The following MTUS2 variants were observed in gnomAD, a reference collection of about 807,000 sequenced individuals.
The protein encoded by MTUS2 is microtubule-associated tumor suppressor candidate 2.
In MTUS2, 40 loss-of-function variants were observed where a neutral mutation model predicts 114.1. The ratio of observed to expected loss-of-function variants is 0.35; its 90% CI spans 0.27 to 0.46. The LOEUF (loss-of-function observed/expected upper bound fraction) is 0.46, where lower values mean the gene tolerates loss of function less well. Ranked by LOEUF, MTUS2 falls within the 20% of genes least tolerant of loss-of-function variation. The pLI, the probability that MTUS2 is intolerant of heterozygous loss-of-function variation, is 1.00. For missense variants in MTUS2, 1,679 were observed against 1,705.4 expected (o/e 0.98, Z 0.27); for synonymous variants, 688 against 672.0 (o/e 1.02, Z -0.37).
At chr13:28,969,285 G>A (rs1481030728) in intron 2 of MTUS2, among the ~76,000 whole-genome samples, 2 of 151,974 alleles carry the variant, frequency 1.3e-5, no homozygotes, top group Admixed American at 1.3e-4. Flanking sequence ...AATTGCCAAA[G>A]AATAATTATA....
chr13:29,387,140 G>A (rs909198087), intron 8 of MTUS2, among the ~76,000 whole-genome samples: 21 of 152,160 alleles, frequency 1.4e-4, no homozygotes, highest in Admixed American at 4.6e-4. Flanking sequence ...AAAGATATGC[G>A]TAAATTCAGA....
chr13:29,366,263 G>A (rs1019549656), intron 8 of MTUS2, among the ~76,000 whole-genome samples: 29 of 152,154 alleles, frequency 1.9e-4, no homozygotes, highest in African/African-American at 7.0e-4. Flanking sequence ...CTCACATGGC[G>A]GCAGAGAAGA....
At chr13:29,430,867 A>C (rs2138639576) in intron 8 of MTUS2, among the ~76,000 whole-genome samples, 1 of 152,308 alleles carries the variant, frequency 6.6e-6, no homozygotes, top group Admixed American at 6.5e-5. Flanking sequence ...AAAGTTCTTC[A>C]ATCTGTTAAT....
intron 2 of MTUS2, among the ~76,000 whole-genome samples, chr13:29,016,991 A>G (rs1191208793): frequency 6.6e-6 from 1 of 152,250 alleles, no homozygotes; most frequent in African/African-American, 2.4e-5. Context: ...AAACATACCC[A>G]ACATTATGAA....
intron 2 of MTUS2, among the ~76,000 whole-genome samples, chr13:29,016,517 T>C (rs1886073101): frequency 6.6e-6 from 1 of 152,166 alleles, no homozygotes; most frequent in South Asian, 2.1e-4. Context: ...GAAAAACCAT[T>C]ACCCCCTTTC....
chr13:28,972,039 A>G (rs533079856), intron 2 of MTUS2, among the ~76,000 whole-genome samples: 1 of 152,250 alleles, frequency 6.6e-6, no homozygotes, highest in Non-Finnish European at 1.5e-5. Context: ...AGAACTTTCA[A>G]ATTTCACAAG....
intron 2 of MTUS2, among the ~76,000 whole-genome samples, chr13:28,908,381 A>G (rs1233512807): frequency 1.3e-5 from 2 of 151,486 alleles, no homozygotes; most frequent in Non-Finnish European, 2.9e-5. Context: ...TATGAGTGAG[A>G]ACATGCAGTG....
At chr13:29,064,996 A>G (rs770456662) in intron 4 of MTUS2, among the ~76,000 whole-genome samples, 1 of 152,182 alleles carries the variant, frequency 6.6e-6, no homozygotes, top group Non-Finnish European at 1.5e-5. Flanking sequence ...CACGGTATGT[A>G]TGTTCCACAT....
At chr13:29,339,408 G>A (rs560408074) in intron 7 of MTUS2, among the ~76,000 whole-genome samples, 27 of 152,286 alleles carry the variant, frequency 1.8e-4, no homozygotes, top group African/African-American at 5.8e-4. Flanking sequence ...TTGGTGTCTG[G>A]GACCTCAAAC....
At chr13:28,992,098 C>T (rs1413534141) in intron 2 of MTUS2, among the ~76,000 whole-genome samples, 1 of 152,166 alleles carries the variant, frequency 6.6e-6, no homozygotes, top group Admixed American at 6.5e-5. Context: ...AATCTCCCTT[C>T]TCTTCTCTGT....
At chr13:29,482,626 T>C (rs182077999) in intron 10 of MTUS2, among the ~76,000 whole-genome samples, 58 of 152,358 alleles carry the variant, frequency 3.8e-4, no homozygotes, top group African/African-American at 1.2e-3. Context: ...ATTTATAAAA[T>C]GTGGGCTTGC....
At chr13:29,301,631 G>A (rs1479790892) in intron 6 of MTUS2, among the ~76,000 whole-genome samples, 1 of 152,196 alleles carries the variant, frequency 6.6e-6, no homozygotes, top group Non-Finnish European at 1.5e-5. Context: ...GTGTGACCCT[G>A]ATTCAATTAT....
intron 13 of MTUS2, 52 bp from the exon 14 acceptor site, chr13:29,498,366 T>C (rs1882683741): frequency 6.2e-7 from 1 of 1,610,024 alleles, no homozygotes; most frequent in African/African-American, 1.3e-5. Context: ...TGGTTAATAC[T>C]GGGTTTTGCC....
At chr13:28,831,502 G>A (rs1456348730) in intron 1 of MTUS2, among the ~76,000 whole-genome samples, 7 of 151,778 alleles carry the variant, frequency 4.6e-5, no homozygotes, top group Non-Finnish European at 7.4e-5. Context: ...TGGCTATACC[G>A]ATATGAAGTG....
intron 5 of MTUS2, among the ~76,000 whole-genome samples, chr13:29,126,748 C>T (rs2138935780): frequency 6.6e-6 from 1 of 152,216 alleles, no homozygotes; most frequent in South Asian, 2.1e-4. Flanking sequence ...CCCTGCTCTA[C>T]TTCATCCTAC....
chr13:29,208,447 G>A (rs1359236309), intron 5 of MTUS2, among the ~76,000 whole-genome samples: 3 of 151,212 alleles, frequency 2.0e-5, no homozygotes, highest in African/African-American at 7.3e-5. Context: ...TCTGATCTTT[G>A]TTATTTCTTT....
intron 2 of MTUS2, among the ~76,000 whole-genome samples, chr13:28,902,843 T>G (rs1379707616): frequency 6.6e-6 from 1 of 152,164 alleles, no homozygotes; most frequent in Non-Finnish European, 1.5e-5. Flanking sequence ...TAGAATGATT[T>G]GGGAAGTGTT....
intron 9 of MTUS2, among the ~76,000 whole-genome samples, chr13:29,464,519 G>A (rs1411392229): frequency 3.3e-5 from 5 of 152,202 alleles, no homozygotes; most frequent in Admixed American, 3.3e-4. Context: ...AAGTGATAAA[G>A]GCTGTTGGTA....
In MTUS2 at chr13:28,908,425, A is replaced by C. The variant is rs1314042729; in HGVS notation, c.-243+68575A>C. On this transcript the variant is annotated intron_variant, in intron 2 of 15. Coordinates refer to ENST00000612955, the MANE Select transcript of MTUS2 (RefSeq NM_001033602.4). Reference sequence around the variant, plus strand: ...TCTGTCCTTGTGATAGTTTGCTGAGAATGATGGTTTCCAGCTTCATCCATG... The same window carrying C: ...TCTGTCCTTGTGATAGTTTGCTGAGCATGATGGTTTCCAGCTTCATCCATG... Among the ~76,000 whole-genome samples the C allele has an allele frequency of 2.6e-5, 4 of 151,470 alleles. 1 individual carries two copies. The highest frequency in any genetic ancestry group is 9.8e-5 in the African/African-American group (4 of 41,014).
Sources: gnomAD v4.1 joint callset for allele counts (sites outside exome capture counted in the v4.1 genomes callset) on GRCh38, gnomAD v4.1.1 for gene constraint, MANE v1.5 for transcripts, NCBI Gene and HGNC (gene_info 2026-07-23, HGNC 2026-07-21) for gene names.